Variants in NSMCE2 observed in about 807,000 individuals in gnomAD.
NSMCE2 encodes the protein NSE2 SUMO ligase component of SMC5/6 complex.
Under a neutral mutation model 23.8 loss-of-function variants are expected in NSMCE2, and 24 were observed. The observed-to-expected ratio is 1.01, with a 90% confidence interval of 0.73 to 1.42. NSMCE2 has a LOEUF of 1.42. NSMCE2 is among the 40% of genes most tolerant of loss of function. The pLI, the probability that NSMCE2 is intolerant of heterozygous loss-of-function variation, is 0.00. For synonymous variants in NSMCE2, 92 were observed against 94.1 expected, an observed-to-expected ratio of 0.98 and a Z score of 0.13; for missense variants, 284 against 296.5, an observed-to-expected ratio of 0.96 and a Z score of 0.31.
At chr8:125,112,118 G>A (rs78917784) in intron 3 of NSMCE2, among the ~76,000 whole-genome samples, 1 of 152,146 alleles carries the variant, frequency 6.6e-6, no homozygotes, top group African/African-American at 2.4e-5. Context: ...GCCAATGTTT[G>A]TATGCTTATA....
chr8:125,293,126 T>G (rs1252243434), intron 5 of NSMCE2, among the ~76,000 whole-genome samples: 1 of 152,194 alleles, frequency 6.6e-6, no homozygotes, highest in African/African-American at 2.4e-5. Flanking sequence ...CAATAATAGC[T>G]TACACTGTTG....
rs192400579 is a variant in NSMCE2 at position 125,123,830 on chromosome 8, T to C, written c.157+21343T>C. Among the ~76,000 whole-genome samples the C allele has an allele frequency of 2.6e-5, 4 of 152,350 alleles. No individual in the cohort carries two copies. In the East Asian group the frequency reaches 7.7e-4, roughly 29 times the overall value. ...ATTTCACCTTGTTTTTTAAAAAAAT[T>C]CCTCTCAGTTAGTCACTCCCTCTAA... On this transcript the variant is annotated intron_variant, in intron 3 of 7. Coordinates refer to ENST00000287437, the MANE Select transcript of NSMCE2 (RefSeq NM_173685.4).
intron 5 of NSMCE2, among the ~76,000 whole-genome samples, chr8:125,296,070 T>A (rs1286699175): frequency 1.3e-5 from 2 of 152,346 alleles, no homozygotes; most frequent in African/African-American, 4.8e-5. Flanking sequence ...TTAAAAAAAA[T>A]AGCTAGCACT....
At chr8:125,155,163 G>A (rs1280675794) in intron 4 of NSMCE2, among the ~76,000 whole-genome samples, 3 of 152,164 alleles carry the variant, frequency 2.0e-5, no homozygotes, top group Non-Finnish European at 2.9e-5. Context: ...CTGCTGTGGT[G>A]TGTGCTACAA....
chr8:125,221,975 T>G (rs1392704005), intron 5 of NSMCE2, among the ~76,000 whole-genome samples: 1 of 152,176 alleles, frequency 6.6e-6, no homozygotes, highest in East Asian at 1.9e-4. Flanking sequence ...GCTCATTAAA[T>G]CAGAATTTAT....
intron 5 of NSMCE2, among the ~76,000 whole-genome samples, chr8:125,248,652 CAAA>C (rs943920076): frequency 6.9e-6 from 1 of 144,248 alleles, no homozygotes; most frequent in Non-Finnish European, 1.5e-5. Context: ...GACTCCATCT[CAAA>C]AAAAAAAAGT....
intron 3 of NSMCE2, among the ~76,000 whole-genome samples, chr8:125,134,867 A>G (rs1403935015): frequency 1.3e-5 from 2 of 151,914 alleles, no homozygotes; most frequent in Non-Finnish European, 1.5e-5. Context: ...AGTTGGGACT[A>G]TAGGCGTATG....
chr8:125,203,458 C>T (rs774928553), intron 5 of NSMCE2, among the ~76,000 whole-genome samples: 25 of 152,184 alleles, frequency 1.6e-4, no homozygotes, highest in Non-Finnish European at 3.2e-4. Context: ...GAGATATATA[C>T]AGCCCATGCT....
chr8:125,196,971 A>G (rs1218531033), intron 5 of NSMCE2, among the ~76,000 whole-genome samples: 3 of 152,118 alleles, frequency 2.0e-5, no homozygotes, highest in Non-Finnish European at 4.4e-5. Flanking sequence ...GCATTTTTTC[A>G]TGCGTCTGTT....
chr8:125,288,653 T>C (rs1340549571), intron 5 of NSMCE2, among the ~76,000 whole-genome samples: 1 of 152,228 alleles, frequency 6.6e-6, no homozygotes, highest in African/African-American at 2.4e-5. Flanking sequence ...TTCATTCTTA[T>C]AGACTTATTT....
intron 3 of NSMCE2, among the ~76,000 whole-genome samples, chr8:125,134,458 A>G (rs1426977009): frequency 1.3e-5 from 2 of 152,190 alleles, no homozygotes; most frequent in Non-Finnish European, 2.9e-5. Context: ...ACTTTTAGCC[A>G]TTCTAATAGA....
intron 5 of NSMCE2, among the ~76,000 whole-genome samples, chr8:125,232,002 A>G (rs1300929818): frequency 6.6e-6 from 1 of 152,228 alleles, no homozygotes; most frequent in Non-Finnish European, 1.5e-5. Flanking sequence ...TTTCTTTTTC[A>G]TAAATTAGAA....
chr8:125,109,282 A>T (rs1341135841), intron 3 of NSMCE2, among the ~76,000 whole-genome samples: 4 of 152,078 alleles, frequency 2.6e-5, no homozygotes, highest in Non-Finnish European at 5.9e-5. Flanking sequence ...TATTGTGGGG[A>T]TTAGCGAGAT....
chr8:125,330,685 A>C (rs1030956066), intron 5 of NSMCE2, among the ~76,000 whole-genome samples: 1 of 152,208 alleles, frequency 6.6e-6, no homozygotes, highest in African/African-American at 2.4e-5. Flanking sequence ...AATGTACGCT[A>C]GGTACTAAAG....
intron 5 of NSMCE2, among the ~76,000 whole-genome samples, chr8:125,266,763 A>G (rs1394396236): frequency 1.3e-5 from 2 of 152,192 alleles, no homozygotes; most frequent in Non-Finnish European, 2.9e-5. Context: ...TAAAAGAGCA[A>G]TAATAGACTT....
intron 5 of NSMCE2, among the ~76,000 whole-genome samples, chr8:125,281,028 G>T (rs1002229594): frequency 3.3e-5 from 5 of 152,132 alleles, no homozygotes; most frequent in African/African-American, 1.2e-4. Context: ...ATCCAGAATG[G>T]GTCGGTGAAT....
At chr8:125,311,541 C>T (rs1337734031) in intron 5 of NSMCE2, among the ~76,000 whole-genome samples, 2 of 152,170 alleles carry the variant, frequency 1.3e-5, no homozygotes, top group Non-Finnish European at 1.5e-5. Flanking sequence ...ATGCTTTATT[C>T]GTGGTATGTT....
At chr8:125,198,242 G>A (rs947374395) in intron 5 of NSMCE2, among the ~76,000 whole-genome samples, 4 of 152,172 alleles carry the variant, frequency 2.6e-5, no homozygotes, top group African/African-American at 7.2e-5. Context: ...GGAGTGGTGA[G>A]AGAGGGCAGC....
At chr8:125,200,112 C>G (rs1823798332) in intron 5 of NSMCE2, among the ~76,000 whole-genome samples, 1 of 152,146 alleles carries the variant, frequency 6.6e-6, no homozygotes, top group African/African-American at 2.4e-5. Flanking sequence ...ATTGTTGGGA[C>G]TTGACTCTTT....
Sources: gnomAD v4.1 joint callset for allele counts (sites outside exome capture counted in the v4.1 genomes callset) on GRCh38, gnomAD v4.1.1 for gene constraint, MANE v1.5 for transcripts, NCBI Gene and HGNC (gene_info 2026-07-23, HGNC 2026-07-21) for gene names.